NDE1: variants seen among roughly 807,000 people sequenced by gnomAD.
The protein encoded by NDE1 is nudE neurodevelopment protein 1, also known as nuclear distribution protein nudE homolog 1.
In NDE1, 28 loss-of-function variants were observed where a neutral mutation model predicts 43.4. The ratio of observed to expected loss-of-function variants is 0.65; its 90% CI spans 0.48 to 0.89. NDE1 has a LOEUF of 0.89. Among genes scored for constraint, NDE1 ranks in the 40% least tolerant of loss-of-function variants. NDE1 has a pLI of 0.00. For missense variants in NDE1, 441 were observed against 434.1 expected (o/e 1.02, Z -0.14); for synonymous variants, 184 against 172.0 (o/e 1.07, Z -0.55).
chr16:15,679,773 T>C (rs947166675), intron 4 of NDE1, among the ~76,000 whole-genome samples: 3 of 150,212 alleles, frequency 2.0e-5, no homozygotes, highest in Non-Finnish European at 4.4e-5. Flanking sequence ...AGACTATTAG[T>C]TGTTTTTTGT....
chr16:15,676,073 C>G (rs953875214), intron 3 of NDE1, among the ~76,000 whole-genome samples: 5 of 151,916 alleles, frequency 3.3e-5, no homozygotes, highest in Non-Finnish European at 2.9e-5. Flanking sequence ...TGGACTGTTC[C>G]TTTGGTAATT....
In NDE1 at chr16:15,680,196, T is replaced by C. The variant is rs117478303; in HGVS notation, c.386+2247T>C. ...TGATGGGCAGTAGCTGAAATCTCTTTGCTTTTTTTAGCCGTAACTGGGCTG... is the reference window on the plus strand; with the variant it reads ...TGATGGGCAGTAGCTGAAATCTCTTCGCTTTTTTTAGCCGTAACTGGGCTG... On this transcript the variant is annotated intron_variant, in intron 4 of 8. Transcript: ENST00000396354. Among the ~76,000 whole-genome samples the C allele has an allele frequency of 4.4e-3, 663 of 152,258 alleles. 2 individuals are homozygous for C. Among genetic ancestry groups the C allele is most frequent in the Non-Finnish European group, 7.2e-3 (489 of 68,020 alleles).
intron 8 of NDE1, among the ~76,000 whole-genome samples, chr16:15,699,370 C>T (rs1264793468): frequency 6.6e-6 from 1 of 151,894 alleles, no homozygotes; most frequent in Non-Finnish European, 1.5e-5. Context: ...AGCGATCCTT[C>T]CACCTCAGCC....
At chr16:15,693,436 G>C (rs2038851306) in intron 6 of NDE1, among the ~76,000 whole-genome samples, 1 of 152,172 alleles carries the variant, frequency 6.6e-6, no homozygotes, top group South Asian at 2.1e-4. Context: ...ATCTATCACA[G>C]ATGCCATTAT....
At chr16:15,696,687 A>G (rs752126614) in intron 7 of NDE1, 22 bp from the exon 8 acceptor site, 1 of 1,614,036 alleles carries the variant, frequency 6.2e-7, no homozygotes, top group Non-Finnish European at 8.5e-7. Flanking sequence ...AACTTGAGAG[A>G]TAAAAGTGTA....
intron 1 of NDE1, chr16:15,651,440 T>TTG (rs2036497713): frequency 6.7e-6 from 1 of 150,026 alleles, no homozygotes; most frequent in African/African-American, 2.5e-5. Flanking sequence ...GTTTTTTTTT[T>TTG]TTTTTTTTTG....
intron 8 of NDE1, among the ~76,000 whole-genome samples, chr16:15,698,919 G>A (rs2039125948): frequency 6.6e-6 from 1 of 151,780 alleles, no homozygotes; most frequent in Non-Finnish European, 1.5e-5. Context: ...GGGTTTTGCT[G>A]TGTCACCCAG....
intron 6 of NDE1, 54 bp downstream of exon 6, chr16:15,691,377 A>T: frequency 6.3e-7 from 1 of 1,584,356 alleles, no homozygotes; most frequent in Non-Finnish European, 8.6e-7. Flanking sequence ...GTTTCTGGGT[A>T]AGAATCTGGG....
intron 4 of NDE1, among the ~76,000 whole-genome samples, chr16:15,681,253 CTTTTT>C (rs71134448): frequency 6.4e-5 from 2 of 31,426 alleles, no homozygotes; most frequent in Non-Finnish European, 1.1e-4. Flanking sequence ...TAAACACTGC[CTTTTT>C]TTTTTTTTTT....
At chr16:15,649,643 G>A (rs1296560357), upstream of NDE1, among the ~76,000 whole-genome samples, 2 of 152,098 alleles carry the variant, frequency 1.3e-5, no homozygotes, top group East Asian at 1.9e-4. Context: ...TTTTATAGAT[G>A]GGGAAACGGA....
intron 8 of NDE1, chr16:15,715,099 AG>A (rs759257352): frequency 1.4e-6 from 2 of 1,470,808 alleles, no homozygotes; most frequent in Non-Finnish European, 1.8e-6. Context: ...GGAGAGTTGG[AG>A]GGGTGGTTAG....
At chr16:15,688,621 A>G (rs1348686619) in intron 5 of NDE1, among the ~76,000 whole-genome samples, 2 of 119,948 alleles carry the variant, frequency 1.7e-5, no homozygotes, top group Admixed American at 1.9e-4. Flanking sequence ...TGACAGAGTG[A>G]GACTCTTGTC....
At chr16:15,693,738 G>A (rs180878116) in intron 6 of NDE1, among the ~76,000 whole-genome samples, 147 of 152,180 alleles carry the variant, frequency 9.7e-4, no homozygotes, top group African/African-American at 3.5e-3. Context: ...TCAAGAGTTC[G>A]AGACCAGCCT....
rs775832591 is a variant in NDE1 at position 15,696,864 on chromosome 16, A to G, written c.947+4A>G. The G allele has an allele frequency of 6.9e-5, 111 of 1,613,924 alleles. No individual in the cohort carries two copies. Among genetic ancestry groups the G allele is most frequent in the Non-Finnish European group, 8.6e-5 (101 of 1,180,010 alleles). On this transcript the variant is annotated splice_donor_region_variant and intron_variant, in intron 8 of 8. Coordinates refer to ENST00000396354, the MANE Select transcript of NDE1 (RefSeq NM_017668.3). The stretch of plus-strand genomic sequence containing the variant: ...GCGTGCCTTTGGGTGATAAGGGGTC[A>G]GTACCTTCTAATAAACCTCTCGCTG...
intron 8 of NDE1, among the ~76,000 whole-genome samples, chr16:15,721,902 G>C (rs1596722795): frequency 6.6e-6 from 1 of 152,122 alleles, no homozygotes; most frequent in African/African-American, 2.4e-5. Context: ...TTGTCACCCA[G>C]GCTGGAGTGC....
chr16:15,720,674 AG>A (rs1279275008), intron 8 of NDE1, among the ~76,000 whole-genome samples: 2 of 151,940 alleles, frequency 1.3e-5, no homozygotes, highest in African/African-American at 2.4e-5. Flanking sequence ...TGGAGGTTGC[AG>A]TGAGCTGAGA....
exon 1 of NDE1, chr16:15,643,885 C>A (rs533292517): frequency 6.5e-6 from 1 of 152,990 alleles, no homozygotes; most frequent in African/African-American, 2.4e-5. Context: ...ATGAATACTG[C>A]GTTTCCAGTG....
chr16:15,660,246 G>C (rs1042578096), intron 1 of NDE1, among the ~76,000 whole-genome samples: 1 of 152,034 alleles, frequency 6.6e-6, no homozygotes, highest in African/African-American at 2.4e-5. Flanking sequence ...GGGAGTACAA[G>C]GCAGGAGGAT....
intron 8 of NDE1, among the ~76,000 whole-genome samples, chr16:15,698,740 A>G (rs2151148674): frequency 6.6e-6 from 1 of 152,112 alleles, no homozygotes; most frequent in East Asian, 1.9e-4. Context: ...GGATGCCTGT[A>G]GTCCCAGCTG....
Sources: allele counts gnomAD v4.1 joint callset (sites outside exome capture counted in the v4.1 genomes callset), GRCh38; gene constraint gnomAD v4.1.1; transcripts MANE v1.5; gene names NCBI Gene and HGNC (gene_info 2026-07-23, HGNC 2026-07-21).